Variants in CHODL observed in about 807,000 individuals in gnomAD.
CHODL encodes chondrolectin, also known as transmembrane protein MT75.
CHODL carries 29 observed loss-of-function variants against 34.5 expected under a neutral mutation model. That is an observed-to-expected ratio of 0.84 (90% CI 0.63 to 1.15). The LOEUF (loss-of-function observed/expected upper bound fraction) is 1.15. CHODL is among the 50% of genes most tolerant of loss of function. CHODL has a pLI of 0.00. For missense variants in CHODL, 332 were observed against 332.5 expected, an observed-to-expected ratio of 1.00 and a Z score of 0.01; for synonymous variants, 125 against 116.1, an observed-to-expected ratio of 1.08 and a Z score of -0.49.
intron 2 of CHODL, among the ~76,000 whole-genome samples, chr21:18,146,988 C>T (rs1335902283): frequency 6.6e-6 from 1 of 152,188 alleles, no homozygotes; most frequent in Non-Finnish European, 1.5e-5. Context: ...TTCCAATTCT[C>T]TTTTAATCCT....
chr21:18,170,619 C>G (rs2073215789), intron 2 of CHODL, among the ~76,000 whole-genome samples: 1 of 150,034 alleles, frequency 6.7e-6, no homozygotes, highest in Admixed American at 6.6e-5. Flanking sequence ...TTATAACACT[C>G]TATTTCAGTT....
intron 1 of CHODL, among the ~76,000 whole-genome samples, chr21:17,933,865 C>A (rs1187902496): frequency 6.6e-6 from 1 of 151,924 alleles, no homozygotes; most frequent in African/African-American, 2.4e-5. Context: ...ATGGTGAAAT[C>A]CCATCTCTAC....
At chr21:18,071,627 C>G (rs2064806423) in intron 2 of CHODL, among the ~76,000 whole-genome samples, 1 of 152,116 alleles carries the variant, frequency 6.6e-6, no homozygotes, top group Admixed American at 6.5e-5. Flanking sequence ...ACTTAATTCT[C>G]CTATCAATAG....
chr21:18,049,725 T>C (rs564815942), intron 2 of CHODL, among the ~76,000 whole-genome samples: 10 of 151,284 alleles, frequency 6.6e-5, no homozygotes, highest in Non-Finnish European at 1.5e-4. Flanking sequence ...CCTCCTCTTA[T>C]AAGAACATCA....
chr21:18,200,104 T>C (rs975378702), intron 2 of CHODL, among the ~76,000 whole-genome samples: 16 of 152,208 alleles, frequency 1.1e-4, no homozygotes, highest in African/African-American at 3.9e-4. Flanking sequence ...TTCTGCATTC[T>C]TGCAGCATTT....
At chr21:18,177,580 A>C (rs1225581886) in intron 2 of CHODL, among the ~76,000 whole-genome samples, 1 of 152,130 alleles carries the variant, frequency 6.6e-6, no homozygotes, top group African/African-American at 2.4e-5. Context: ...CTTTTGACCC[A>C]AAATTGAAAT....
intron 1 of CHODL, among the ~76,000 whole-genome samples, chr21:18,251,939 T>A (rs1250274276): frequency 6.6e-6 from 1 of 151,630 alleles, no homozygotes; most frequent in Non-Finnish European, 1.5e-5. Context: ...TTAAAATAAA[T>A]GCTTAAAAAT....
intron 2 of CHODL, among the ~76,000 whole-genome samples, chr21:18,035,088 G>T (rs2064294152): frequency 6.6e-6 from 1 of 151,964 alleles, no homozygotes; most frequent in African/African-American, 2.4e-5. Flanking sequence ...ACTAGCAGAA[G>T]ATTGAAAAAT....
intron 2 of CHODL, among the ~76,000 whole-genome samples, chr21:18,129,892 C>CTGTGTG (rs150557806): frequency 6.7e-4 from 94 of 140,698 alleles, no homozygotes; most frequent in African/African-American, 1.4e-3. Flanking sequence ...CTGTCTTTCT[C>CTGTGTG]TGTGTGTGTG....
chr21:18,129,412 A>G (rs917881677), intron 2 of CHODL, among the ~76,000 whole-genome samples: 3 of 152,196 alleles, frequency 2.0e-5, no homozygotes, highest in African/African-American at 7.2e-5. Flanking sequence ...TCTATTCAGA[A>G]TGCATTGTAG....
At chr21:18,028,145 A>T (rs2064196762) in intron 2 of CHODL, among the ~76,000 whole-genome samples, 3 of 152,072 alleles carry the variant, frequency 2.0e-5, no homozygotes, top group Admixed American at 2.0e-4. Flanking sequence ...AATTTTTTTG[A>T]ACAAGTAAAT....
chr21:18,058,904 G>A lies in CHODL; in HGVS notation c.-45+30933G>A, dbSNP rs116727144. Among the ~76,000 whole-genome samples, 721 of 151,984 alleles carry A rather than the reference G, an allele frequency of 4.7e-3. 7 individuals are homozygous for A. Among genetic ancestry groups the A allele is most frequent in the African/African-American group, 0.017 (684 of 41,438 alleles). On this transcript the variant is annotated intron_variant, in intron 2 of 6. Transcript: ENST00000400127. ...CTGATTGTCTTTTTCCCCTTGTTTT[G>A]TACTCTCCCAAGGCAGTCTTATCAG...
chr21:18,114,057 C>CTGAT, intron 2 of CHODL, among the ~76,000 whole-genome samples: 1 of 152,220 alleles, frequency 6.6e-6, no homozygotes, highest in East Asian at 1.9e-4. Context: ...ACAAACATCA[C>CTGAT]ATGTTCTCAT....
At chr21:17,920,762 A>C (rs900370929) in intron 1 of CHODL, among the ~76,000 whole-genome samples, 1 of 152,228 alleles carries the variant, frequency 6.6e-6, no homozygotes, top group Non-Finnish European at 1.5e-5. Context: ...GAGTAAATAC[A>C]TCTGACTGTA....
intron 2 of CHODL, among the ~76,000 whole-genome samples, chr21:18,228,073 C>G (rs2073947175): frequency 6.6e-6 from 1 of 152,068 alleles, no homozygotes; most frequent in African/African-American, 2.4e-5. Flanking sequence ...TGCCATTTGT[C>G]CACTGTTTTT....
chr21:18,022,284 T>C (rs1376501412), intron 1 of CHODL: 1 of 152,196 alleles, frequency 6.6e-6, no homozygotes, highest in East Asian at 1.9e-4. Context: ...CCTTGGCCTG[T>C]GGTTGCATCA....
intron 2 of CHODL, among the ~76,000 whole-genome samples, chr21:18,170,973 T>C (rs1295108092): frequency 1.3e-5 from 2 of 151,964 alleles, no homozygotes; most frequent in Non-Finnish European, 2.9e-5. Context: ...GTTAATTCTG[T>C]TAATTTATGT....
intron 2 of CHODL, among the ~76,000 whole-genome samples, chr21:18,031,721 G>T (rs1453316774): frequency 6.6e-6 from 1 of 151,982 alleles, no homozygotes; most frequent in African/African-American, 2.4e-5. Context: ...GGTAGAGGGG[G>T]ATAAAATAGC....
chr21:18,018,784 C>T (rs2064099904), intron 1 of CHODL, among the ~76,000 whole-genome samples: 1 of 152,180 alleles, frequency 6.6e-6, no homozygotes, highest in African/African-American at 2.4e-5. Context: ...ATTATTTTTG[C>T]ACCAGCCTAC....
Sources: allele counts gnomAD v4.1 joint callset (sites outside exome capture counted in the v4.1 genomes callset), GRCh38; gene constraint gnomAD v4.1.1; transcripts MANE v1.5; gene names NCBI Gene and HGNC (gene_info 2026-07-23, HGNC 2026-07-21).